The following DNAH14 variants were observed in gnomAD, a reference collection of about 807,000 sequenced individuals.
DNAH14 encodes axonemal beta dynein heavy chain 14.
A neutral mutation model predicts 520.9 loss-of-function variants in DNAH14; 478 were observed. The observed-to-expected ratio is 0.92, with a 90% CI of 0.85 to 0.99. The LOEUF is 0.99. DNAH14 is among the 50% of genes least tolerant of loss of function. The pLI is 0.00. For missense variants in DNAH14, 4,831 were observed against 5,234.5 expected (o/e 0.92, Z 2.38); for synonymous variants, 1,581 against 1,757.2 (o/e 0.90, Z 2.51).
rs368246646 is a variant in DNAH14, at chr1:225,272,009, G to A, written c.7775G>A (p.Arg2592His). 3.7e-5 allele frequency: 58 copies of A among 1,550,658 alleles called. No individual in the cohort carries two copies. Among genetic ancestry groups the A allele is most frequent in the South Asian group, 6.0e-5 (5 of 83,980 alleles). The change falls in exon 51 of 86, where the codon CGT becomes CAT. Residue 2592 changes from arginine (R) to histidine (H), a missense_variant. By Grantham distance (29) the Arg-to-His change is conservative. Coordinates refer to ENST00000682510, the MANE Select transcript of DNAH14 (RefSeq NM_001367479.1). ...SCSLAIYHQVRQNMLPTPTKC... is the reference protein window; with the variant it reads ...SCSLAIYHQVHQNMLPTPTKC... Reference sequence around the variant, plus strand: ...TCCCTAGCTATATACCATCAAGTACGTCAGAATATGTTACCAACTCCAACA... The same window carrying A: ...TCCCTAGCTATATACCATCAAGTACATCAGAATATGTTACCAACTCCAACA...
chr1:225,290,228 C>A, intron 55 of DNAH14, 146 bp downstream of exon 55: 1 of 542,908 alleles, frequency 1.8e-6, no homozygotes, highest in Non-Finnish European at 3.0e-6. Flanking sequence ...TTGCAGTATT[C>A]TCTGTTCTTA....
intron 10 of DNAH14, among the ~76,000 whole-genome samples, chr1:225,019,683 A>G (rs542978869): frequency 6.6e-6 from 1 of 152,304 alleles, no homozygotes; most frequent in Admixed American, 6.5e-5. Context: ...GTAAGTCTCA[A>G]CTAAATCACA....
At chr1:225,034,153 G>T (rs1047186154) in intron 11 of DNAH14, among the ~76,000 whole-genome samples, 1 of 152,064 alleles carries the variant, frequency 6.6e-6, no homozygotes, top group East Asian at 1.9e-4. Flanking sequence ...TTTCAAGGGG[G>T]ATGCTTCTAG....
chr1:225,255,627 A>T (rs1047411939), intron 44 of DNAH14, among the ~76,000 whole-genome samples: 1 of 152,220 alleles, frequency 6.6e-6, no homozygotes, highest in Admixed American at 6.5e-5. Flanking sequence ...GTCAGAAGCC[A>T]ATGGACATAC....
At chr1:225,230,175 T>C (rs554244578) in intron 41 of DNAH14, among the ~76,000 whole-genome samples, 12 of 152,248 alleles carry the variant, frequency 7.9e-5, no homozygotes, top group African/African-American at 2.4e-4. Context: ...CATAGCAGAA[T>C]TACTTATAAT....
At chr1:225,393,637 A>G (rs1221880224) in intron 84 of DNAH14, among the ~76,000 whole-genome samples, 1 of 150,948 alleles carries the variant, frequency 6.6e-6, no homozygotes, top group African/African-American at 2.5e-5. Context: ...AGGGTCATAC[A>G]TGGCCATATG....
intron 71 of DNAH14, among the ~76,000 whole-genome samples, chr1:225,347,857 C>T (rs1213109595): frequency 6.6e-6 from 1 of 152,046 alleles, no homozygotes; most frequent in Non-Finnish European, 1.5e-5. Context: ...AATGAAACTC[C>T]AGAAACGAGT....
chr1:225,166,538 G>T (rs1250996775), intron 35 of DNAH14, among the ~76,000 whole-genome samples: 1 of 151,932 alleles, frequency 6.6e-6, no homozygotes, highest in Non-Finnish European at 1.5e-5. Context: ...TTGCATTTTT[G>T]ATGGCTTACA....
chr1:225,353,505 T>C (rs2095394643), intron 72 of DNAH14, among the ~76,000 whole-genome samples: 1 of 152,156 alleles, frequency 6.6e-6, no homozygotes, highest in South Asian at 2.1e-4. Context: ...GGCTATGCCT[T>C]TGGCTTCTCA....
intron 8 of DNAH14, among the ~76,000 whole-genome samples, chr1:225,001,428 G>T (rs1485282044): frequency 6.6e-6 from 1 of 152,126 alleles, no homozygotes; most frequent in Non-Finnish European, 1.5e-5. Context: ...TGTGAGTTAT[G>T]TTGTGGAGAA....
chr1:225,108,641 A>G (rs1426149722), intron 23 of DNAH14, among the ~76,000 whole-genome samples: 1 of 152,166 alleles, frequency 6.6e-6, no homozygotes, highest in Non-Finnish European at 1.5e-5. Context: ...ATAGTTTAAA[A>G]GTATTTTCTC....
chr1:225,081,539 A>G (rs920980118), intron 19 of DNAH14, among the ~76,000 whole-genome samples: 3 of 152,172 alleles, frequency 2.0e-5, no homozygotes, highest in Admixed American at 6.5e-5. Context: ...TCTTTTACCC[A>G]TGGTTCCCCA....
In DNAH14 at chr1:225,229,610, C is replaced by T. The variant is rs2090902767; in HGVS notation, c.6440-1463C>T. Among the ~76,000 whole-genome samples the T allele has an allele frequency of 2.0e-5, 3 of 152,258 alleles. No homozygotes were observed. In the South Asian group the frequency reaches 6.2e-4, roughly 32 times the overall value. On this transcript the variant is annotated intron_variant, in intron 41 of 85. Coordinates refer to ENST00000682510, the MANE Select transcript of DNAH14 (RefSeq NM_001367479.1). ...GCCATAAAAAAGAATGAGTTCATGT[C>T]CTTTGCAGGGACATGGATTAAGCTG...
At chr1:225,319,592 A>G (rs2094524997) in intron 61 of DNAH14, among the ~76,000 whole-genome samples, 1 of 152,190 alleles carries the variant, frequency 6.6e-6, no homozygotes, top group Admixed American at 6.5e-5. Flanking sequence ...TGAAACTGAA[A>G]AAATGCAAAA....
chr1:225,271,264 G>C (rs1337625737), intron 50 of DNAH14, among the ~76,000 whole-genome samples: 1 of 152,084 alleles, frequency 6.6e-6, no homozygotes, highest in Admixed American at 6.6e-5. Context: ...GTCCCAGTTG[G>C]CATACAGGTA....
chr1:224,957,116 G>A (rs895643735), intron 3 of DNAH14, among the ~76,000 whole-genome samples: 2 of 151,348 alleles, frequency 1.3e-5, no homozygotes, highest in African/African-American at 4.8e-5. Flanking sequence ...AACAAGAATC[G>A]ATATAGGGGG....
chr1:225,006,134 C>G (rs1167252152), intron 9 of DNAH14, among the ~76,000 whole-genome samples: 1 of 152,152 alleles, frequency 6.6e-6, no homozygotes, highest in African/African-American at 2.4e-5. Context: ...ATTTCATGGG[C>G]ATTTATCACT....
At chr1:225,137,361 T>C (rs1475142225) in intron 27 of DNAH14, among the ~76,000 whole-genome samples, 4 of 152,042 alleles carry the variant, frequency 2.6e-5, no homozygotes, top group Non-Finnish European at 5.9e-5. Flanking sequence ...TCTGTTTTGT[T>C]TTGTTTTGTT....
intron 36 of DNAH14, among the ~76,000 whole-genome samples, chr1:225,182,901 T>C (rs1170914343): frequency 1.3e-5 from 2 of 152,148 alleles, no homozygotes; most frequent in African/African-American, 4.8e-5. Flanking sequence ...AATTCTGTGG[T>C]AGGCAGGCCA....
Sources: allele counts gnomAD v4.1 joint callset (sites outside exome capture counted in the v4.1 genomes callset), GRCh38; gene constraint gnomAD v4.1.1; transcripts MANE v1.5; gene names NCBI Gene and HGNC (gene_info 2026-07-23, HGNC 2026-07-21).